The following ASGR1 variants were observed in gnomAD, a reference collection of about 807,000 sequenced individuals.
ASGR1 encodes the protein C-type lectin domain family 4 member H1.
A neutral mutation model predicts 33.1 loss-of-function variants in ASGR1; 35 were observed. The observed-to-expected ratio is 1.06, with a 90% confidence interval of 0.81 to 1.40. The LOEUF is 1.40. Ranked by LOEUF, ASGR1 falls within the 40% of genes most tolerant of loss-of-function variation. The probability of loss-of-function intolerance (pLI) is 0.00; values close to 1 mark genes in which losing one functional copy is unlikely to be tolerated. For synonymous variants in ASGR1, 142 were observed against 152.5 expected (o/e 0.93, Z 0.51); for missense variants, 396 against 373.7 (o/e 1.06, Z -0.49).
intron 5 of ASGR1, among the ~76,000 whole-genome samples, chr17:7,175,127 A>G (rs1284517182): frequency 6.9e-6 from 1 of 144,616 alleles, no homozygotes; most frequent in African/African-American, 2.6e-5. Flanking sequence ...AACACACCCT[A>G]ACCCACATAC....
chr17:7,176,483 ACTCTAT>A, intron 5 of ASGR1: 1 of 404,516 alleles, frequency 2.5e-6, no homozygotes, highest in South Asian at 2.5e-5. Context: ...TCTCACACAC[ACTCTAT>A]CTCATTCTCA....
rs760421962 is a variant in ASGR1 at position 7,173,843 on chromosome 17, G to A, written c.702-10C>T. The A allele has an allele frequency of 1.4e-5, 23 of 1,608,560 alleles. No homozygotes were observed. The highest frequency in any genetic ancestry group is 1.8e-5 in the Non-Finnish European group (21 of 1,178,320). On this transcript the variant is annotated splice_polypyrimidine_tract_variant and intron_variant, in intron 8 of 8. Coordinates refer to ENST00000269299, the MANE Select transcript of ASGR1 (RefSeq NM_001671.5). The surrounding 1 kb of genome is among the most constrained non-coding windows in gnomAD (Gnocchi z 4.7). ...CTCCGGCCTCCAGTTCCTGGGGACAGAGCCAGCTGTGGGCCCCAGGAGGTC... is the reference window on the plus strand; with the variant it reads ...CTCCGGCCTCCAGTTCCTGGGGACAAAGCCAGCTGTGGGCCCCAGGAGGTC...
At chr17:7,176,500 C>A in intron 5 of ASGR1, 1 of 475,218 alleles carries the variant, frequency 2.1e-6, no homozygotes, top group South Asian at 2.3e-5. Context: ...CTCATTCTCA[C>A]ACTCAGACAC....
intron 5 of ASGR1, chr17:7,176,592 T>A (rs1371213087): frequency 5.9e-6 from 3 of 505,264 alleles, no homozygotes; most frequent in Admixed American, 3.5e-5. Context: ...TCACACACAC[T>A]CCATCTCATT....
At chr17:7,176,303 ACT>A (rs535986861) in intron 5 of ASGR1, among the ~76,000 whole-genome samples, 43 of 141,006 alleles carry the variant, frequency 3.0e-4, no homozygotes, top group African/African-American at 1.0e-3. Flanking sequence ...ACACTCACAG[ACT>A]CACACTCAGA....
At position 7,178,743 on chromosome 17, in the gene ASGR1, T is replaced by C. The variant is rs1407600190; in HGVS notation, c.-25-155A>G. The C allele has an allele frequency of 8.9e-4, 459 of 515,774 alleles. 8 individuals are homozygous for C. Among genetic ancestry groups the C allele is most frequent in the African/African-American group, 7.3e-3 (358 of 49,110 alleles). The allele number at this position is 515,774 out of a possible 1,614,324, so 31.9% of individuals were successfully genotyped here. A position where few individuals can be genotyped will look rare whatever the true frequency, so the allele number is the denominator to read the frequency against. On this transcript the variant is annotated intron_variant, in intron 1 of 8. Coordinates refer to ENST00000269299, the MANE Select transcript of ASGR1 (RefSeq NM_001671.5). ...CTTTTTCTTTTTTTTCTTTTCTTTT[T>C]TTTTTTTTTTTTGAGAGGGAGTCTT...
intron 5 of ASGR1, among the ~76,000 whole-genome samples, chr17:7,175,664 TAAAC>T (rs2069190035): frequency 6.9e-6 from 1 of 145,724 alleles, no homozygotes; most frequent in African/African-American, 2.6e-5. Flanking sequence ...CTCACACACA[TAAAC>T]ACAGACTCAC....
Position 7,174,408 on chromosome 17 carries a change from G to T in ASGR1, c.408C>A (p.Ser136Arg). 6.2e-7 allele frequency: 1 copy of T among 1,613,952 alleles called. No individual in the cohort carries two copies. Among genetic ancestry groups the T allele is most frequent in the South Asian group, 1.1e-5 (1 of 91,068 alleles). ...HVKQFVSDLR[S>R]LSCQMAALQG... ...GGAGCGCCGCCATCTGACAGCTCAG[G>T]CTCCGCAGGTCAGACACGAACTGCT... is the stretch of plus-strand genomic sequence containing the variant. Residue 136 changes from serine to arginine, a missense_variant, in exon 6 of 9, where the codon AGC becomes AGA. By Grantham distance (110) the Ser-to-Arg change is moderately radical. Coordinates refer to ENST00000269299, the MANE Select transcript of ASGR1 (RefSeq NM_001671.5).
intron 2 of ASGR1, 113 bp downstream of exon 2, chr17:7,178,381 G>A (rs2069240397): frequency 9.0e-7 from 1 of 1,114,082 alleles, no homozygotes; most frequent in Non-Finnish European, 1.4e-6. Flanking sequence ...GTTGGGGGAG[G>A]GAGACAGACC....
chr17:7,176,680 T>A, intron 5 of ASGR1, 150 bp downstream of exon 5: 2 of 1,119,750 alleles, frequency 1.8e-6, no homozygotes, highest in Non-Finnish European at 2.5e-6. Flanking sequence ...CAAAACACAC[T>A]CCCCCTCATT....
At chr17:7,178,740 T>C (rs1462197792) in intron 1 of ASGR1, 152 bp from the exon 2 acceptor site, 10 of 273,118 alleles carry the variant, frequency 3.7e-5, no homozygotes, top group Middle Eastern at 1.1e-3. Flanking sequence ...TTTCTTTTCT[T>C]TTTTTTTTTT....
In ASGR1 at chr17:7,174,439, T is replaced by A; in HGVS notation, c.377A>T (p.His126Leu). 4 of 1,613,192 alleles carry A rather than the reference T, an allele frequency of 2.5e-6. No individual in the cohort carries two copies. Among genetic ancestry groups the A allele is most frequent in the Non-Finnish European group, 3.4e-6 (4 of 1,179,706 alleles). ...CAGGTCAGACACGAACTGCTTCACG[T>A]GGAGCAGCAGGCTGGAGTGATCTGG... ...LSEDHSSLLL[H>L]VKQFVSDLRS... Residue 126 changes from histidine to leucine, a missense_variant, in exon 6 of 9, where the codon CAC (histidine) becomes CTC (leucine). By Grantham distance (99) the His-to-Leu change is moderately conservative (BLOSUM62 -3). Transcript: ENST00000269299.
At chr17:7,176,216 C>A (rs1324614953) in intron 5 of ASGR1, among the ~76,000 whole-genome samples, 1 of 137,684 alleles carries the variant, frequency 7.3e-6, no homozygotes, top group East Asian at 2.2e-4. Flanking sequence ...TTCTCACACT[C>A]ACAAACACAC....
At position 7,177,006 on chromosome 17, in the gene ASGR1, G is replaced by A; in HGVS notation, c.258C>T (p.Ala86=). Residue 86 remains alanine, a synonymous_variant, in exon 4 of 9, where the codon GCC becomes GCT. Transcript: ENST00000269299. The part of the protein sequence containing the change: ...TFSNFTASTE[A]QVKGLSTQGG... ...CCTGGGTGCTCAAGCCCTTGACCTG[G>A]GCCTCCGTGCTCGCTGTGAAGTTGC... 1.2e-6 allele frequency: 2 copies of A among 1,612,222 alleles called. No individual in the cohort carries two copies. Among genetic ancestry groups the A allele is most frequent in the Non-Finnish European group, 1.7e-6 (2 of 1,179,828 alleles).
chr17:7,177,379 G>C, intron 2 of ASGR1, 53 bp from the exon 3 acceptor site: 1 of 1,463,076 alleles, frequency 6.8e-7, no homozygotes, highest in Non-Finnish European at 9.5e-7. Context: ...CCCTGGCACA[G>C]CTCCAGGGTC....
In ASGR1 at chr17:7,177,326, C is replaced by T; in HGVS notation, c.71G>A (p.Gly24Glu). 1 of 1,612,684 alleles carries T rather than the reference C, an allele frequency of 6.2e-7. No individual in the cohort carries two copies. Among genetic ancestry groups the T allele is most frequent in the Non-Finnish European group, 8.5e-7 (1 of 1,179,456 alleles). ...EESDHHQLRK[G>E]PPPPQPLLQR... ...CAGGAGGGGCTGGGGAGGAGGTGGC[C>T]CTGCAAGAGGAGGGGGTGTCAGGAG... Residue 24 changes from glycine (G) to glutamate (E), a missense_variant and splice_region_variant, in exon 3 of 9, where the codon GGG becomes GAG. By Grantham distance (98) the Gly-to-Glu change is moderately conservative (BLOSUM62 -2). Transcript: ENST00000269299.
intron 2 of ASGR1, chr17:7,178,113 GAC>G (rs954520518): frequency 2.1e-5 from 6 of 280,200 alleles, no homozygotes; most frequent in East Asian, 7.6e-5. Context: ...ACTGATCACT[GAC>G]ACACACACGC....
chr17:7,175,781 T>TCACA (rs202051463), intron 5 of ASGR1, among the ~76,000 whole-genome samples: 2,302 of 135,336 alleles, frequency 0.017, 70 homozygotes, highest in African/African-American at 0.072. Context: ...TCACACAGGC[T>TCACA]CTCACACACA....
At position 7,177,205 on chromosome 17, in the gene ASGR1, C is replaced by A; in HGVS notation, c.187+5G>T. 2 of 1,613,530 alleles carry A rather than the reference C, an allele frequency of 1.2e-6. No individual in the cohort carries two copies. The highest frequency in any genetic ancestry group is 1.7e-6 in the Non-Finnish European group (2 of 1,179,878). ...TTGCCCCCTTCCCACCCCTGGGGCA[C>A]CCACTTTGGGATCCGATCACACAGA... is the stretch of plus-strand genomic sequence containing the variant. On this transcript the variant is annotated splice_donor_5th_base_variant and intron_variant, in intron 3 of 8. Transcript: ENST00000269299.
Sources: allele counts gnomAD v4.1 joint callset (sites outside exome capture counted in the v4.1 genomes callset), GRCh38; gene constraint gnomAD v4.1.1; non-coding constraint Gnocchi (gnomAD v3.1); transcripts MANE v1.5; gene names NCBI Gene and HGNC (gene_info 2026-07-23, HGNC 2026-07-21).